Variants in DGAT2 observed in about 807,000 individuals in gnomAD.
DGAT2 encodes diacylglycerol O-acyltransferase 2, also known as acyl-CoA retinol O-fatty-acyltransferase.
A neutral mutation model predicts 48.4 loss-of-function variants in DGAT2; 33 were observed. The ratio of observed to expected loss-of-function variants is 0.68; its 90% CI spans 0.52 to 0.91. The LOEUF is 0.91. DGAT2 is among the 40% of genes least tolerant of loss of function. The probability of loss-of-function intolerance (pLI) is 0.00; values close to 1 mark genes in which losing one functional copy is unlikely to be tolerated. For synonymous variants in DGAT2, 191 were observed against 194.1 expected, an observed-to-expected ratio of 0.98 and a Z score of 0.13; for missense variants, 446 against 493.7, an observed-to-expected ratio of 0.90 and a Z score of 0.92.
chr11:75,789,489 G>A (rs1044879483), intron 2 of DGAT2, among the ~76,000 whole-genome samples: 1 of 152,134 alleles, frequency 6.6e-6, no homozygotes, highest in Non-Finnish European at 1.5e-5. Context: ...TGGGCTCTGC[G>A]CTTTGGCCTG....
intron 2 of DGAT2, among the ~76,000 whole-genome samples, chr11:75,788,959 T>TA (rs1431963657): frequency 6.6e-6 from 1 of 152,032 alleles, no homozygotes; most frequent in Non-Finnish European, 1.5e-5. Context: ...AAAGGTTGGG[T>TA]AAAAAATGGA....
At chr11:75,791,387 G>A (rs556036677) in intron 4 of DGAT2, among the ~76,000 whole-genome samples, 51 of 152,240 alleles carry the variant, frequency 3.3e-4, no homozygotes, top group African/African-American at 1.1e-3. Context: ...CAGTCTTCCC[G>A]GGACCTTCCT....
chr11:75,778,032 G>T (rs939961952), intron 1 of DGAT2, among the ~76,000 whole-genome samples: 2 of 152,166 alleles, frequency 1.3e-5, no homozygotes, highest in Admixed American at 6.5e-5. Context: ...CATCTGCTGT[G>T]CTCACTGCTG....
intron 1 of DGAT2, 171 bp from the exon 2 acceptor site, chr11:75,784,447 G>A: frequency 1.2e-6 from 1 of 823,106 alleles, no homozygotes. Flanking sequence ...ACAGCCCAGA[G>A]TTACAAAGCC....
chr11:75,795,127 C>T (rs554822765), intron 4 of DGAT2: 1 of 152,036 alleles, frequency 6.6e-6, no homozygotes, highest in Non-Finnish European at 1.5e-5. Context: ...TGGGCTCAAG[C>T]CATCTTTCCA....
chr11:75,769,416 C>T (rs896040018), intron 1 of DGAT2, among the ~76,000 whole-genome samples: 1 of 152,102 alleles, frequency 6.6e-6, no homozygotes, highest in Non-Finnish European at 1.5e-5. Flanking sequence ...GTAGAGCGAG[C>T]TTTGGCAGTG....
At position 75,769,017 on chromosome 11, in the gene DGAT2, C is replaced by T. The variant is rs1300061060; in HGVS notation, c.26C>T (p.Ser9Phe). 5.7e-6 allele frequency: 9 copies of T among 1,575,848 alleles called. No individual in the cohort carries two copies. The highest frequency in any genetic ancestry group is 7.7e-6 in the Non-Finnish European group (9 of 1,163,584). The change falls in exon 1 of 8, where the codon TCC (serine) becomes TTC (phenylalanine). Residue 9 changes from serine to phenylalanine, a missense_variant. Ser to Phe is a radical substitution (Grantham distance 155). Coordinates refer to ENST00000228027, the MANE Select transcript of DGAT2 (RefSeq NM_032564.5). MKTLIAAY[S>F]GVLRGERQAE... ...ATGAAGACCCTCATAGCCGCCTACT[C>T]CGGGGTCCTGCGCGGCGAGCGTCAG...
In DGAT2 at chr11:75,768,793, T is replaced by C. The variant is rs866628742; in HGVS notation, c.-199T>C. On this transcript the variant is annotated 5_prime_UTR_variant, in exon 1 of 8. Transcript: ENST00000228027. The stretch of plus-strand genomic sequence containing the variant: ...GGACGCCAGCGCCGCGGCTGCCGCC[T>C]CTGCTGGGGTCTAGGCTGTTTCTCT... 1.8e-6 allele frequency: 1 copy of C among 549,816 alleles called. No individual in the cohort carries two copies. The highest frequency in any genetic ancestry group is 2.8e-6 in the Non-Finnish European group (1 of 359,582). The allele number at this position is 549,816 out of a possible 1,614,324, so 34.1% of individuals were successfully genotyped here.
At chr11:75,791,196 C>A (rs73504578) in intron 4 of DGAT2, among the ~76,000 whole-genome samples, 7,598 of 152,262 alleles carry the variant, frequency 0.05, 634 homozygotes, top group African/African-American at 0.17. Context: ...GGAGGCAGCA[C>A]GTGAATGTGA....
intron 1 of DGAT2, among the ~76,000 whole-genome samples, chr11:75,771,730 C>A (rs927249654): frequency 6.6e-6 from 1 of 152,118 alleles, no homozygotes; most frequent in African/African-American, 2.4e-5. Context: ...TGGCTTCCCC[C>A]CTCACCTACA....
At chr11:75,791,305 T>G (rs1944987045) in intron 4 of DGAT2, among the ~76,000 whole-genome samples, 1 of 152,224 alleles carries the variant, frequency 6.6e-6, no homozygotes, top group East Asian at 1.9e-4. Flanking sequence ...TGGGTAACCC[T>G]GCATCCTTCA....
intron 1 of DGAT2, among the ~76,000 whole-genome samples, chr11:75,782,337 C>A (rs527696886): frequency 6.6e-6 from 1 of 152,220 alleles, no homozygotes; most frequent in South Asian, 2.1e-4. Context: ...ATTTCTAACC[C>A]GCTCCCAGGT....
intron 1 of DGAT2, among the ~76,000 whole-genome samples, chr11:75,782,110 G>A (rs1269759786): frequency 6.6e-6 from 1 of 152,138 alleles, no homozygotes; most frequent in Non-Finnish European, 1.5e-5. Context: ...GGGCCTGTCT[G>A]CAACGGGAAG....
Position 75,796,489 on chromosome 11 carries a change from C to T in DGAT2, c.591C>T (p.Gly197=), listed in dbSNP as rs1438066011. Residue 197 remains glycine, a synonymous_variant, in exon 5 of 8, where the codon GGC becomes GGT. Coordinates refer to ENST00000228027, the MANE Select transcript of DGAT2 (RefSeq NM_032564.5). ...GGCCTTACCTGGCTACACTGGCAGG[C>T]AACTTCCGAATGCCTGTGTTGAGGG... The part of the protein sequence containing the change: ...GIRPYLATLA[G]NFRMPVLREY... 6.2e-7 allele frequency: 1 copy of T among 1,613,482 alleles called. No individual in the cohort carries two copies. The highest frequency in any genetic ancestry group is 8.5e-7 in the Non-Finnish European group (1 of 1,180,020).
intron 4 of DGAT2, 121 bp from the exon 5 acceptor site, chr11:75,796,207 G>A (rs1299156983): frequency 1.2e-6 from 1 of 801,408 alleles, no homozygotes; most frequent in Non-Finnish European, 2.1e-6. Flanking sequence ...GAGATTCATT[G>A]CAGCCCTCAG....
intron 1 of DGAT2, among the ~76,000 whole-genome samples, chr11:75,771,167 A>G (rs920673040): frequency 1.5e-4 from 23 of 151,710 alleles, no homozygotes; most frequent in African/African-American, 5.1e-4. Context: ...TTCTTGGCCA[A>G]AAAAAAAGGC....
intron 4 of DGAT2, among the ~76,000 whole-genome samples, chr11:75,791,147 C>T (rs561812420): frequency 1.0e-3 from 152 of 152,366 alleles, no homozygotes; most frequent in African/African-American, 3.4e-3. Flanking sequence ...CACACCCTAG[C>T]TGCTGAGTAC....
intron 1 of DGAT2, among the ~76,000 whole-genome samples, chr11:75,772,421 G>C (rs1944767760): frequency 6.6e-6 from 1 of 152,088 alleles, no homozygotes; most frequent in Non-Finnish European, 1.5e-5. Context: ...ACGCATGGTG[G>C]TCTTCCTGTT....
At chr11:75,784,794 TC>T in intron 2 of DGAT2, 48 bp downstream of exon 2, 1 of 1,611,620 alleles carries the variant, frequency 6.2e-7, no homozygotes, top group Non-Finnish European at 8.5e-7. Context: ...AGTGTCCACT[TC>T]CCCAAAAGAG....
Sources: allele counts gnomAD v4.1 joint callset (sites outside exome capture counted in the v4.1 genomes callset), GRCh38; gene constraint gnomAD v4.1.1; transcripts MANE v1.5; gene names NCBI Gene and HGNC (gene_info 2026-07-23, HGNC 2026-07-21).